PRUNE2: variants seen among roughly 807,000 people sequenced by gnomAD.
The protein encoded by PRUNE2 is prune homolog 2 with BCH domain, also known as protein prune homolog 2.
A neutral mutation model predicts 252.0 loss-of-function variants in PRUNE2; 164 were observed. The observed-to-expected ratio is 0.65, with a 90% CI of 0.57 to 0.74. PRUNE2 has a LOEUF of 0.74. Among genes scored for constraint, PRUNE2 ranks in the 30% least tolerant of loss-of-function variants. The probability of loss-of-function intolerance (pLI) is 0.00; values close to 1 mark genes in which losing one functional copy is unlikely to be tolerated. For missense variants in PRUNE2, 3,495 were observed against 3,711.0 expected (o/e 0.94, Z 1.51); for synonymous variants, 1,292 against 1,350.2 (o/e 0.96, Z 0.94).
chr9:76,726,702 C>G (rs1440360204), intron 6 of PRUNE2, among the ~76,000 whole-genome samples: 1 of 152,170 alleles, frequency 6.6e-6, no homozygotes, highest in African/African-American at 2.4e-5. Context: ...AGCAGTCAAG[C>G]CTCCTTAATC....
chr9:76,632,549 T>C (rs1490347499), intron 15 of PRUNE2, among the ~76,000 whole-genome samples: 1 of 152,194 alleles, frequency 6.6e-6, no homozygotes, highest in African/African-American at 2.4e-5. Flanking sequence ...TGAAGCCAGC[T>C]GCTGTCAGTT....
rs199892073 is a variant in PRUNE2 at position 76,870,685 on chromosome 9, C to CAA, written c.37-16479_37-16478dup. 2.0e-3 allele frequency among the ~76,000 whole-genome samples: 168 copies of CAA among 82,316 alleles called. 1 individual carries two copies. Among genetic ancestry groups the CAA allele is most frequent in the African/African-American group, 6.4e-3 (158 of 24,528 alleles). The allele number at this position is 82,316 out of a possible 152,430, so 54.0% of individuals were successfully genotyped here. On this transcript the variant is annotated intron_variant, in intron 1 of 18. Coordinates refer to ENST00000376718, the MANE Select transcript of PRUNE2 (RefSeq NM_015225.3). ...TGGGTGACAGAGCGAGATTCTGTCTCAAAAAAAAAAAAAAAAAATCCTCAA... is the reference window on the plus strand; with the variant it reads ...TGGGTGACAGAGCGAGATTCTGTCTCAAAAAAAAAAAAAAAAAAAATCCTCAA...
At chr9:76,881,833 G>A (rs1359715694) in intron 1 of PRUNE2, among the ~76,000 whole-genome samples, 1 of 152,018 alleles carries the variant, frequency 6.6e-6, no homozygotes, top group Non-Finnish European at 1.5e-5. Flanking sequence ...ACATCGGCCA[G>A]GCTGGTCTTG....
intron 16 of PRUNE2, among the ~76,000 whole-genome samples, chr9:76,625,482 T>C (rs1451464252): frequency 6.6e-6 from 1 of 152,196 alleles, no homozygotes; most frequent in Non-Finnish European, 1.5e-5. Flanking sequence ...TCTCAGAACA[T>C]GTCTCTGTCA....
intron 10 of PRUNE2, 96 bp from the exon 11 acceptor site, chr9:76,652,779 T>C: frequency 2.4e-6 from 2 of 823,244 alleles, no homozygotes; most frequent in Non-Finnish European, 4.0e-6. Flanking sequence ...AATCTGAAAC[T>C]TTTTGAGTGC....
chr9:76,734,205 G>C (rs2048879994), intron 6 of PRUNE2, among the ~76,000 whole-genome samples: 1 of 152,082 alleles, frequency 6.6e-6, no homozygotes, highest in Admixed American at 6.5e-5. Context: ...AGGAGGGGCT[G>C]GGTAGATGTT....
chr9:76,799,658 C>A (rs11145075), intron 6 of PRUNE2, among the ~76,000 whole-genome samples: 18,988 of 152,082 alleles, frequency 0.12, 1,272 homozygotes, highest in East Asian at 0.21. Context: ...GTATATTAAG[C>A]CTGGGTTGTC....
At chr9:76,811,499 G>A (rs1170589814) in intron 6 of PRUNE2, among the ~76,000 whole-genome samples, 1 of 152,120 alleles carries the variant, frequency 6.6e-6, no homozygotes, top group Admixed American at 6.5e-5. Flanking sequence ...TGGTATCAAA[G>A]GCAATGAATG....
chr9:76,650,299 A>G (rs1161776706), intron 11 of PRUNE2, among the ~76,000 whole-genome samples: 2 of 150,340 alleles, frequency 1.3e-5, no homozygotes, highest in African/African-American at 4.9e-5. Flanking sequence ...ATATAATGAA[A>G]CATATATAAT....
At chr9:76,687,134 C>A (rs536624660) in intron 9 of PRUNE2, among the ~76,000 whole-genome samples, 1 of 152,324 alleles carries the variant, frequency 6.6e-6, no homozygotes, top group South Asian at 2.1e-4. Context: ...CTCCATCCCA[C>A]ATTTGCTTTC....
intron 11 of PRUNE2, among the ~76,000 whole-genome samples, chr9:76,646,924 C>T (rs1702696926): frequency 6.6e-6 from 1 of 152,150 alleles, no homozygotes; most frequent in African/African-American, 2.4e-5. Context: ...TGTGGTGGCT[C>T]AAGCCTGTAA....
At chr9:76,680,115 G>A (rs756087460) in intron 9 of PRUNE2, among the ~76,000 whole-genome samples, 1 of 152,114 alleles carries the variant, frequency 6.6e-6, no homozygotes, top group Non-Finnish European at 1.5e-5. Flanking sequence ...CTGATAAGGG[G>A]TTAATATCTA....
chr9:76,705,400 G>A lies in PRUNE2; in HGVS notation c.6874C>T (p.Leu2292=). The stretch of plus-strand genomic sequence containing the variant: ...TCAAAGGCAGCTTCGCTTATATCCA[G>A]ACAAGTGTCTGAGGCTAGCAAAGCA... The part of the protein sequence containing the change: ...PDALLASDTC[L]DISEAAFDHS... The change falls in exon 8 of 19, where the codon CTG becomes TTG. Residue 2292 remains leucine (L), a synonymous_variant. Transcript: ENST00000376718. 1 of 1,613,968 alleles carries A rather than the reference G, an allele frequency of 6.2e-7. No homozygotes were observed. The highest frequency in any genetic ancestry group is 8.5e-7 in the Non-Finnish European group (1 of 1,179,872).
chr9:76,650,231 G>A (rs113754078), intron 11 of PRUNE2, among the ~76,000 whole-genome samples: 96 of 149,332 alleles, frequency 6.4e-4, no homozygotes, highest in Middle Eastern at 3.5e-3. Flanking sequence ...ATATAATGAG[G>A]TATATAATAT....
chr9:76,742,843 T>A (rs780321791), intron 6 of PRUNE2, among the ~76,000 whole-genome samples: 3 of 152,196 alleles, frequency 2.0e-5, no homozygotes, highest in Non-Finnish European at 4.4e-5. Context: ...GAAAAAGGTC[T>A]AGAGCTGCTA....
At chr9:76,671,726 G>A (rs930419178) in intron 9 of PRUNE2, among the ~76,000 whole-genome samples, 1 of 151,390 alleles carries the variant, frequency 6.6e-6, no homozygotes, top group Non-Finnish European at 1.5e-5. Context: ...CTACAAGCCA[G>A]AAGAGAGTGG....
chr9:76,635,218 C>T (rs1034765362), intron 15 of PRUNE2, among the ~76,000 whole-genome samples: 7 of 152,210 alleles, frequency 4.6e-5, no homozygotes, highest in East Asian at 1.9e-4. Flanking sequence ...GTGATCTGCC[C>T]GCCTTGGCCT....
intron 6 of PRUNE2, among the ~76,000 whole-genome samples, chr9:76,751,287 C>T (rs1449097734): frequency 1.3e-5 from 2 of 152,048 alleles, no homozygotes; most frequent in African/African-American, 2.4e-5. Context: ...CACACACACA[C>T]ACAGAAATCT....
At chr9:76,881,456 C>T (rs1474815349) in intron 1 of PRUNE2, among the ~76,000 whole-genome samples, 1 of 152,088 alleles carries the variant, frequency 6.6e-6, no homozygotes, top group Non-Finnish European at 1.5e-5. Flanking sequence ...TTAAAGTGAA[C>T]AATTCAATGG....
Sources: allele counts gnomAD v4.1 joint callset (sites outside exome capture counted in the v4.1 genomes callset), GRCh38; gene constraint gnomAD v4.1.1; transcripts MANE v1.5; gene names NCBI Gene and HGNC (gene_info 2026-07-23, HGNC 2026-07-21).